The following ATP6V1C2 variants were observed in gnomAD, a reference collection of about 807,000 sequenced individuals.
ATP6V1C2 encodes ATPase H+ transporting V1 subunit C2.
Under a neutral mutation model 56.8 loss-of-function variants are expected in ATP6V1C2, and 45 were observed. The ratio of observed to expected loss-of-function variants is 0.79; its 90% confidence interval spans 0.62 to 1.02. The LOEUF (loss-of-function observed/expected upper bound fraction) is 1.02. Among genes scored for constraint, ATP6V1C2 ranks in the 50% least tolerant of loss-of-function variants. The pLI, the probability that ATP6V1C2 is intolerant of heterozygous loss-of-function variation, is 0.00. For synonymous variants in ATP6V1C2, 220 were observed against 201.3 expected (o/e 1.09, Z -0.79); for missense variants, 463 against 519.7 (o/e 0.89, Z 1.06).
rs550184829 is a variant in ATP6V1C2 at position 10,784,217 on chromosome 2, T to A, written c.*954T>A. ...TTCACTGCTGGAAAAATCCACTGGCTCCCAAGAAAAGAAAATGGTCTGAAG... is the reference window on the plus strand; with the variant it reads ...TTCACTGCTGGAAAAATCCACTGGCACCCAAGAAAAGAAAATGGTCTGAAG... On this transcript the variant is annotated 3_prime_UTR_variant, in exon 14 of 14. Transcript: ENST00000272238. The A allele has an allele frequency of 1.3e-6, 2 of 1,530,268 alleles. No homozygotes were observed. 94.8% of individuals were successfully genotyped at this position (1,530,268 alleles called of 1,614,324 possible).
chr2:10,762,951 C>T (rs578031224), intron 4 of ATP6V1C2, among the ~76,000 whole-genome samples: 1 of 152,260 alleles, frequency 6.6e-6, no homozygotes, highest in South Asian at 2.1e-4. Context: ...AGGACTCCCC[C>T]AGAGTGTGTG....
chr2:10,754,659 G>A (rs944363792), intron 4 of ATP6V1C2, among the ~76,000 whole-genome samples: 2 of 150,854 alleles, frequency 1.3e-5, no homozygotes, highest in African/African-American at 4.9e-5. Flanking sequence ...TGCAAGCTCC[G>A]CCTTCTGGGT....
chr2:10,741,989 C>T (rs1466989041), intron 3 of ATP6V1C2, among the ~76,000 whole-genome samples: 1 of 151,984 alleles, frequency 6.6e-6, no homozygotes, highest in Non-Finnish European at 1.5e-5. Flanking sequence ...TGGCTCGCTG[C>T]AATCTCGCTT....
At chr2:10,779,270 A>G (rs1235400623) in intron 12 of ATP6V1C2, among the ~76,000 whole-genome samples, 1 of 151,134 alleles carries the variant, frequency 6.6e-6, no homozygotes. Context: ...ACGCCCGGCT[A>G]ATTTTTTTAT....
At chr2:10,745,381 G>C (rs2148443874) in intron 3 of ATP6V1C2, among the ~76,000 whole-genome samples, 1 of 130,216 alleles carries the variant, frequency 7.7e-6, no homozygotes, top group East Asian at 2.4e-4. Context: ...TTTAGACAGA[G>C]TCTCACTCTG....
Position 10,784,952 on chromosome 2 carries a change from C to A in ATP6V1C2, c.*1689C>A. 1.3e-6 allele frequency: 2 copies of A among 1,588,228 alleles called. No homozygotes were observed. Among genetic ancestry groups the A allele is most frequent in the East Asian group, 2.3e-5 (1 of 43,858 alleles). On this transcript the variant is annotated 3_prime_UTR_variant, in exon 14 of 14. Transcript: ENST00000272238. The stretch of plus-strand genomic sequence containing the variant: ...CACTCACCTCGCCATCCCTGCCGTC[C>A]CAAGGCTCTCTCTCAACGATGGTAG...
chr2:10,762,379 C>T (rs998171283), intron 4 of ATP6V1C2, among the ~76,000 whole-genome samples: 6 of 152,110 alleles, frequency 3.9e-5, no homozygotes, highest in South Asian at 4.2e-4. Context: ...CTCCTGACCT[C>T]GTGATCCACC....
At chr2:10,777,783 C>T (rs1665094719) in intron 11 of ATP6V1C2, 61 bp downstream of exon 11, 2 of 1,544,560 alleles carry the variant, frequency 1.3e-6, no homozygotes, top group Admixed American at 2.2e-5. Context: ...AGCTCAGGCG[C>T]CTTCTGGGAA....
At chr2:10,766,485 T>C (rs1184435183) in intron 5 of ATP6V1C2, among the ~76,000 whole-genome samples, 3 of 152,202 alleles carry the variant, frequency 2.0e-5, no homozygotes, top group Admixed American at 6.5e-5. Flanking sequence ...AAAGCCCTAG[T>C]TCCTATCACT....
At chr2:10,762,790 G>C (rs1351694305) in intron 4 of ATP6V1C2, among the ~76,000 whole-genome samples, 5 of 152,080 alleles carry the variant, frequency 3.3e-5, no homozygotes, top group Admixed American at 3.3e-4. Flanking sequence ...GGCGTGGCCA[G>C]GCCTGCGTCA....
At chr2:10,762,435 C>T (rs1004482007) in intron 4 of ATP6V1C2, among the ~76,000 whole-genome samples, 5 of 152,102 alleles carry the variant, frequency 3.3e-5, no homozygotes, top group South Asian at 2.1e-4. Flanking sequence ...TGAGCCACCA[C>T]GCCCGGCAAA....
rs945927882 is a variant in ATP6V1C2, at chr2:10,764,796, C to T, written c.378+371C>T. Among the ~76,000 whole-genome samples the T allele has an allele frequency of 5.3e-5, 8 of 152,170 alleles. 1 individual carries two copies. The highest frequency in any genetic ancestry group is 3.2e-3 in the Middle Eastern group (1 of 316). On this transcript the variant is annotated intron_variant, in intron 5 of 13. Transcript: ENST00000272238. ...ACCAGTCTGTCCAATATGGTGAAACCCTGTCTCTACTAAAAAATACAAAAA... is the reference window on the plus strand; with the variant it reads ...ACCAGTCTGTCCAATATGGTGAAACTCTGTCTCTACTAAAAAATACAAAAA...
chr2:10,779,447 GTA>G (rs112760326), intron 12 of ATP6V1C2, among the ~76,000 whole-genome samples: 78,362 of 140,252 alleles, frequency 0.56, 21,939 homozygotes, highest in Middle Eastern at 0.6. Context: ...ATATATGTAT[GTA>G]TATATATATA....
chr2:10,742,126 T>G, intron 3 of ATP6V1C2, among the ~76,000 whole-genome samples: 1 of 152,148 alleles, frequency 6.6e-6, no homozygotes, highest in African/African-American at 2.4e-5. Context: ...TCCAGTCTGG[T>G]CTCCAACTCC....
Position 10,755,357 on chromosome 2 carries a change from T to G in ATP6V1C2, c.283+1291T>G, listed in dbSNP as rs190015649. Among the ~76,000 whole-genome samples, 325 of 152,246 alleles carry G rather than the reference T, an allele frequency of 2.1e-3. 1 individual carries two copies. Among genetic ancestry groups the G allele is most frequent in the African/African-American group, 7.5e-3 (312 of 41,572 alleles). On this transcript the variant is annotated intron_variant, in intron 4 of 13. Coordinates refer to ENST00000272238, the MANE Select transcript of ATP6V1C2 (RefSeq NM_001039362.2). ...GGCCACACCTGGCTAATATTTTTTATTTTTTGTAGAGATGGGGTCTCGCAA... is the reference window on the plus strand; with the variant it reads ...GGCCACACCTGGCTAATATTTTTTAGTTTTTGTAGAGATGGGGTCTCGCAA...
chr2:10,738,229 C>G (rs1224986410), intron 3 of ATP6V1C2, among the ~76,000 whole-genome samples: 3 of 152,164 alleles, frequency 2.0e-5, no homozygotes, highest in Non-Finnish European at 2.9e-5. Flanking sequence ...CTGGTCTGTC[C>G]TTGCTCTGTG....
At chr2:10,776,670 C>G (rs576605072) in intron 10 of ATP6V1C2, among the ~76,000 whole-genome samples, 2 of 152,204 alleles carry the variant, frequency 1.3e-5, no homozygotes, top group African/African-American at 2.4e-5. Flanking sequence ...GGGGCTAGAC[C>G]GTGGCAGCCT....
chr2:10,752,945 G>A (rs1206476318), intron 3 of ATP6V1C2, among the ~76,000 whole-genome samples: 8 of 152,094 alleles, frequency 5.3e-5, no homozygotes, highest in Admixed American at 2.0e-4. Flanking sequence ...GCAGTGAGTC[G>A]AGATTGCACC....
intron 2 of ATP6V1C2, 102 bp downstream of exon 2, chr2:10,723,080 G>C (rs1661449888): frequency 1.4e-5 from 19 of 1,406,624 alleles, no homozygotes; most frequent in Non-Finnish European, 1.7e-5. Flanking sequence ...AAAGTATCAA[G>C]GCAAAGCAGG....
Sources: allele counts gnomAD v4.1 joint callset (sites outside exome capture counted in the v4.1 genomes callset), GRCh38; gene constraint gnomAD v4.1.1; transcripts MANE v1.5; gene names NCBI Gene and HGNC (gene_info 2026-07-23, HGNC 2026-07-21).